The following GBE1 variants were observed in gnomAD, a reference collection of about 807,000 sequenced individuals.
GBE1 encodes 1,4-alpha-glucan branching enzyme 1.
A neutral mutation model predicts 88.8 loss-of-function variants in GBE1; 70 were observed. The ratio of observed to expected loss-of-function variants is 0.79; its 90% confidence interval spans 0.65 to 0.96. GBE1 has a LOEUF of 0.96. Ranked by LOEUF, GBE1 falls within the 40% of genes least tolerant of loss-of-function variation. The pLI is 0.00. For missense variants in GBE1, 872 were observed against 871.0 expected (o/e 1.00, Z -0.01); for synonymous variants, 284 against 300.1 (o/e 0.95, Z 0.56).
intron 2 of GBE1, among the ~76,000 whole-genome samples, chr3:81,693,740 A>G (rs192632851): frequency 7.2e-5 from 11 of 152,280 alleles, no homozygotes; most frequent in Admixed American, 7.2e-4. Context: ...TTTGAAACAC[A>G]CAAACACACA....
chr3:81,536,833 A>C, intron 13 of GBE1, 78 bp downstream of exon 13: 178 of 1,074,824 alleles, frequency 1.7e-4, no homozygotes, highest in Non-Finnish European at 2.2e-4. Flanking sequence ...AGATCTGCAT[A>C]GAGATTTAAA....
At chr3:81,760,066 A>C (rs1706657677) in intron 1 of GBE1, among the ~76,000 whole-genome samples, 1 of 152,238 alleles carries the variant, frequency 6.6e-6, no homozygotes, top group African/African-American at 2.4e-5. Context: ...ACGATTATGC[A>C]CTAAGTTTCT....
chr3:81,527,617 T>C (rs1340168471), intron 14 of GBE1, among the ~76,000 whole-genome samples: 1 of 151,988 alleles, frequency 6.6e-6, no homozygotes, highest in African/African-American at 2.4e-5. Context: ...CATGAAAAAA[T>C]GCTCATCATC....
chr3:81,693,378 G>A (rs190114128), intron 2 of GBE1, among the ~76,000 whole-genome samples: 268 of 151,994 alleles, frequency 1.8e-3, no homozygotes, highest in Non-Finnish European at 2.3e-3. Flanking sequence ...ACTTCCTAAC[G>A]TATCTTTATA....
chr3:81,616,056 TTC>T (rs576270473), intron 7 of GBE1, among the ~76,000 whole-genome samples: 148 of 152,276 alleles, frequency 9.7e-4, no homozygotes, highest in African/African-American at 3.4e-3. Flanking sequence ...CATCTATATA[TTC>T]TGTTTTCTTG....
intron 14 of GBE1, among the ~76,000 whole-genome samples, chr3:81,512,295 C>T (rs896090198): frequency 6.6e-6 from 1 of 151,836 alleles, no homozygotes; most frequent in South Asian, 2.1e-4. Context: ...AACTTCGCAA[C>T]ACACAAACAA....
intron 12 of GBE1, among the ~76,000 whole-genome samples, chr3:81,539,959 TA>T (rs1291787753): frequency 6.6e-6 from 1 of 151,730 alleles, no homozygotes; most frequent in Non-Finnish European, 1.5e-5. Context: ...TAAGCAAAGA[TA>T]ATGAGAGCCA....
chr3:81,633,771 T>C (rs1002464107), intron 7 of GBE1, among the ~76,000 whole-genome samples: 1 of 152,186 alleles, frequency 6.6e-6, no homozygotes, highest in African/African-American at 2.4e-5. Flanking sequence ...CTTATTAGAT[T>C]TGACTTATGC....
chr3:81,761,615 G>A lies in GBE1; in HGVS notation c.-98C>T, dbSNP rs1200815964. On this transcript the variant is annotated 5_prime_UTR_variant, in exon 1 of 16. Transcript: ENST00000429644. Reference sequence around the variant, plus strand: ...GGGACGCGGCGGCTAGGGCGGAGCCGGAGGGCGCCTAGGCGTGTCGAGGCA... The same window carrying A: ...GGGACGCGGCGGCTAGGGCGGAGCCAGAGGGCGCCTAGGCGTGTCGAGGCA... 1.4e-6 allele frequency: 2 copies of A among 1,456,918 alleles called. No individual in the cohort carries two copies. The highest frequency in any genetic ancestry group is 2.1e-5 in the Admixed American group (1 of 47,500). The allele number at this position is 1,456,918 out of a possible 1,614,324, so 90.2% of individuals were successfully genotyped here.
intron 1 of GBE1, among the ~76,000 whole-genome samples, chr3:81,723,869 A>G (rs1314961985): frequency 1.3e-5 from 2 of 152,222 alleles, no homozygotes; most frequent in East Asian, 3.8e-4. Context: ...CTTCCTGCTC[A>G]CGGCCAGTAT....
intron 2 of GBE1, among the ~76,000 whole-genome samples, chr3:81,689,147 C>A (rs1019185661): frequency 4.6e-5 from 7 of 152,062 alleles, no homozygotes; most frequent in African/African-American, 1.7e-4. Flanking sequence ...TTTAAATGAA[C>A]CAATGTGTTT....
intron 14 of GBE1, among the ~76,000 whole-genome samples, chr3:81,502,358 G>A (rs1207574280): frequency 6.6e-6 from 1 of 152,128 alleles, no homozygotes; most frequent in Non-Finnish European, 1.5e-5. Flanking sequence ...AAAAGCTTAT[G>A]AAAGCCATAG....
chr3:81,753,243 C>T (rs1706556654), intron 1 of GBE1, among the ~76,000 whole-genome samples: 1 of 152,108 alleles, frequency 6.6e-6, no homozygotes. Flanking sequence ...ACACAAAACA[C>T]AATGGGGATT....
intron 1 of GBE1, among the ~76,000 whole-genome samples, chr3:81,755,131 A>T (rs560014452): frequency 5.9e-5 from 9 of 152,268 alleles, no homozygotes; most frequent in African/African-American, 2.2e-4. Context: ...GATAGCAAAA[A>T]AATCTGACTT....
chr3:81,521,460 GA>G (rs527329336), intron 14 of GBE1, among the ~76,000 whole-genome samples: 18 of 151,538 alleles, frequency 1.2e-4, no homozygotes, highest in South Asian at 2.1e-4. Context: ...ATATACCATT[GA>G]AATCCTAATT....
intron 7 of GBE1, among the ~76,000 whole-genome samples, chr3:81,624,710 T>C (rs543933378): frequency 6.4e-4 from 97 of 152,100 alleles, no homozygotes; most frequent in Admixed American, 2.8e-3. Context: ...TAGATATTTA[T>C]TTGAGCCAGT....
chr3:81,696,764 G>T (rs546242450), intron 2 of GBE1, among the ~76,000 whole-genome samples: 1 of 152,278 alleles, frequency 6.6e-6, no homozygotes, highest in African/African-American at 2.4e-5. Context: ...TGTATTAACA[G>T]AGCATAAATT....
intron 12 of GBE1, among the ~76,000 whole-genome samples, chr3:81,559,586 C>T (rs750318124): frequency 1.3e-5 from 2 of 151,810 alleles, no homozygotes; most frequent in Non-Finnish European, 1.5e-5. Context: ...ATTTGTTCTA[C>T]CAGAAAAATC....
At chr3:81,730,105 C>T in intron 1 of GBE1, among the ~76,000 whole-genome samples, 1 of 152,076 alleles carries the variant, frequency 6.6e-6, no homozygotes, top group Non-Finnish European at 1.5e-5. Flanking sequence ...TTACATGACA[C>T]AACAGGGCCT....
Sources: gnomAD v4.1 joint callset for allele counts (sites outside exome capture counted in the v4.1 genomes callset) on GRCh38, gnomAD v4.1.1 for gene constraint, MANE v1.5 for transcripts, NCBI Gene and HGNC (gene_info 2026-07-23, HGNC 2026-07-21) for gene names.